Variants in SULF2 observed in about 807,000 individuals in gnomAD.
SULF2 encodes sulfatase 2, also known as extracellular sulfatase Sulf-2.
A neutral mutation model predicts 107.7 loss-of-function variants in SULF2; 52 were observed. The ratio of observed to expected loss-of-function variants is 0.48; its 90% CI spans 0.39 to 0.61. The LOEUF is 0.61. SULF2 is among the 20% of genes least tolerant of loss of function. The pLI, the probability that SULF2 is intolerant of heterozygous loss-of-function variation, is 0.00. For synonymous variants in SULF2, 460 were observed against 464.3 expected, an observed-to-expected ratio of 0.99 and a Z score of 0.12; for missense variants, 993 against 1,177.3, an observed-to-expected ratio of 0.84 and a Z score of 2.29.
At chr20:47,738,199 G>A (rs1232296934) in intron 2 of SULF2, among the ~76,000 whole-genome samples, 1 of 152,228 alleles carries the variant, frequency 6.6e-6, no homozygotes, top group African/African-American at 2.4e-5. Flanking sequence ...TCCGCTCAGC[G>A]CTGAATCCTC....
chr20:47,745,211 G>C (rs1200444460), intron 2 of SULF2, among the ~76,000 whole-genome samples: 1 of 151,138 alleles, frequency 6.6e-6, no homozygotes, highest in African/African-American at 2.4e-5. Flanking sequence ...TACTCAATAG[G>C]ATGAAAAAGG....
intron 3 of SULF2, chr20:47,706,460 T>C (rs2146619210): frequency 6.6e-6 from 1 of 152,252 alleles, no homozygotes; most frequent in East Asian, 1.9e-4. Context: ...CTAAACCCTA[T>C]TGTTAGAAAG....
At chr20:47,702,704 G>C in intron 3 of SULF2, 34 bp from the exon 4 acceptor site, 1 of 1,608,154 alleles carries the variant, frequency 6.2e-7, no homozygotes, top group Non-Finnish European at 8.5e-7. Flanking sequence ...GGCCACGTGA[G>C]AAAGTGCCTG....
At chr20:47,735,972 G>A (rs191952925) in intron 3 of SULF2, among the ~76,000 whole-genome samples, 6 of 152,178 alleles carry the variant, frequency 3.9e-5, no homozygotes, top group South Asian at 2.1e-4. Flanking sequence ...CACAACCGCC[G>A]CGGCTTCTTA....
chr20:47,725,282 A>G (rs1314628888), intron 3 of SULF2, among the ~76,000 whole-genome samples: 1 of 152,222 alleles, frequency 6.6e-6, no homozygotes, highest in African/African-American at 2.4e-5. Flanking sequence ...ATTCCTGGGA[A>G]TATGCAAAAA....
intron 1 of SULF2, among the ~76,000 whole-genome samples, chr20:47,759,318 C>T (rs2090365518): frequency 6.6e-6 from 1 of 152,188 alleles, no homozygotes; most frequent in Non-Finnish European, 1.5e-5. Flanking sequence ...CTCTCCTTTC[C>T]AGCCCTACTG....
intron 3 of SULF2, among the ~76,000 whole-genome samples, chr20:47,718,616 T>A (rs1403965482): frequency 6.6e-6 from 1 of 152,100 alleles, no homozygotes; most frequent in African/African-American, 2.4e-5. Flanking sequence ...GGTGGTTGGT[T>A]CCAGGCTATT....
chr20:47,674,023 G>C (rs541120698), intron 10 of SULF2, among the ~76,000 whole-genome samples: 36 of 152,328 alleles, frequency 2.4e-4, no homozygotes, highest in Admixed American at 1.0e-3. Context: ...GCAAACAGCA[G>C]CCCTCTTGCT....
rs546967138 is a variant in SULF2, at chr20:47,784,209, G to A, written c.-101+1134C>T. 2.9e-4 allele frequency among the ~76,000 whole-genome samples: 44 copies of A among 152,344 alleles called. No individual in the cohort carries two copies. The South Asian group carries it at 6.2e-3, about 22-fold the overall frequency. On this transcript the variant is annotated intron_variant, in intron 1 of 20. Transcript: ENST00000688720. ...TGGACCCGGTGGGAAACAGGCAGGG[G>A]ACAGATGGAGGGGCGAGAGGGCGGG...
intron 4 of SULF2, among the ~76,000 whole-genome samples, chr20:47,699,428 CA>C (rs1367262591): frequency 2.0e-5 from 3 of 151,606 alleles, no homozygotes; most frequent in Admixed American, 6.6e-5. Context: ...CTGAGCACTA[CA>C]TAGTAGGTGC....
rs752550064 is a variant in SULF2 at position 47,663,625 on chromosome 20, A to T, written c.2058-3T>A. The T allele has an allele frequency of 1.3e-6, 2 of 1,577,634 alleles. No individual in the cohort carries two copies. Among genetic ancestry groups the T allele is most frequent in the African/African-American group, 2.7e-5 (2 of 74,260 alleles). ...TGTCCTTCTCTTGCAGGCCCTTCCT[A>T]TGGGCGCAGAGGGCCACACACACCT... On this transcript the variant is annotated splice_polypyrimidine_tract_variant and splice_region_variant and intron_variant, in intron 15 of 20. Transcript: ENST00000688720.
intron 3 of SULF2, among the ~76,000 whole-genome samples, chr20:47,722,579 G>A (rs548897621): frequency 6.6e-6 from 1 of 152,054 alleles, no homozygotes; most frequent in East Asian, 1.9e-4. Context: ...AATCTTTACT[G>A]AGTACCCAAT....
intron 3 of SULF2, among the ~76,000 whole-genome samples, chr20:47,718,430 G>C (rs1043273032): frequency 2.0e-5 from 3 of 152,076 alleles, no homozygotes; most frequent in Non-Finnish European, 4.4e-5. Flanking sequence ...CTAGGCACTG[G>C]GGATACCAGT....
At chr20:47,741,303 C>G (rs1447451820) in intron 2 of SULF2, among the ~76,000 whole-genome samples, 5 of 151,450 alleles carry the variant, frequency 3.3e-5, no homozygotes, top group Admixed American at 3.3e-4. Context: ...GCTCTGTCCA[C>G]AGACTGACCA....
chr20:47,710,012 C>G (rs945731567), intron 3 of SULF2, among the ~76,000 whole-genome samples: 1 of 152,058 alleles, frequency 6.6e-6, no homozygotes, highest in East Asian at 1.9e-4. Context: ...AGCGATTCTC[C>G]CGCCTCAGCC....
intron 2 of SULF2, among the ~76,000 whole-genome samples, chr20:47,739,727 T>TTTGTTCA (rs2146804728): frequency 6.6e-6 from 1 of 152,366 alleles, no homozygotes; most frequent in South Asian, 2.1e-4. Flanking sequence ...CTCAGCCTAC[T>TTTGTTCA]TTGTTCACTG....
At chr20:47,744,335 A>G (rs889940535) in intron 2 of SULF2, among the ~76,000 whole-genome samples, 2 of 152,066 alleles carry the variant, frequency 1.3e-5, no homozygotes, top group African/African-American at 4.8e-5. Context: ...GGCAAGTACC[A>G]CCATGCCCAG....
At chr20:47,747,504 C>G (rs950771071) in intron 2 of SULF2, among the ~76,000 whole-genome samples, 1 of 152,056 alleles carries the variant, frequency 6.6e-6, no homozygotes, top group South Asian at 2.1e-4. Context: ...GTGTAATTGA[C>G]GAGGCTCTGC....
At chr20:47,659,751 A>C (rs1364571437) in intron 18 of SULF2, 21 bp from the exon 19 acceptor site, 1 of 1,601,452 alleles carries the variant, frequency 6.2e-7, no homozygotes, top group Admixed American at 1.7e-5. Context: ...GAGAAATGAA[A>C]AACAAAACAG....
Sources: allele counts gnomAD v4.1 joint callset (sites outside exome capture counted in the v4.1 genomes callset), GRCh38; gene constraint gnomAD v4.1.1; transcripts MANE v1.5; gene names NCBI Gene and HGNC (gene_info 2026-07-23, HGNC 2026-07-21).